Variants in CAMTA1 observed in about 807,000 individuals in gnomAD.
CAMTA1 encodes the protein calmodulin-binding transcription activator 1.
CAMTA1 carries 27 observed loss-of-function variants against 170.9 expected under a neutral mutation model. That is an observed-to-expected ratio of 0.16 (90% CI 0.12 to 0.22). The LOEUF is 0.22. Ranked by LOEUF, CAMTA1 falls within the 10% of genes least tolerant of loss-of-function variation. The probability of loss-of-function intolerance (pLI) is 1.00; values close to 1 mark genes in which losing one functional copy is unlikely to be tolerated. For missense variants in CAMTA1, 1,619 were observed against 2,217.2 expected (o/e 0.73, Z 5.42); for synonymous variants, 833 against 891.5 (o/e 0.93, Z 1.17).
At chr1:7,710,804 G>A (rs952901312) in intron 11 of CAMTA1, among the ~76,000 whole-genome samples, 2 of 151,874 alleles carry the variant, frequency 1.3e-5, no homozygotes, top group African/African-American at 4.8e-5. Context: ...GGCCCACTCT[G>A]AGCTACAGGC....
intron 4 of CAMTA1, among the ~76,000 whole-genome samples, chr1:7,185,609 T>C (rs4908446): frequency 0.24 from 37,079 of 152,100 alleles, 4,604 homozygotes; most frequent in Admixed American, 0.29. Context: ...CAATTTTACA[T>C]TGAAGAAATA....
Position 7,249,754 on chromosome 1 carries a change from G to A in CAMTA1, c.438+128G>A. On this transcript the variant is annotated intron_variant, in intron 5 of 22. Coordinates refer to ENST00000303635, the MANE Select transcript of CAMTA1 (RefSeq NM_015215.4). The surrounding 1 kb of genome is among the most constrained non-coding windows in gnomAD (Gnocchi z 4.4). ...AAGAATTTTTGTTTGCCAAGACCCT[G>A]GTTTTTGCTTTTGTTTCGTTTTTCT... 2.7e-6 allele frequency: 3 copies of A among 1,132,038 alleles called. No homozygotes were observed. The highest frequency in any genetic ancestry group is 3.7e-6 in the Non-Finnish European group (3 of 816,820). The allele number at this position is 1,132,038 out of a possible 1,614,324, so 70.1% of individuals were successfully genotyped here.
At chr1:7,432,123 C>T (rs149089395) in intron 5 of CAMTA1, among the ~76,000 whole-genome samples, 7 of 152,284 alleles carry the variant, frequency 4.6e-5, no homozygotes, top group Admixed American at 2.0e-4. Flanking sequence ...GGCTGACCAG[C>T]GCAGAGCCCA....
intron 5 of CAMTA1, among the ~76,000 whole-genome samples, chr1:7,391,836 A>G (rs1345744701): frequency 1.3e-5 from 2 of 152,190 alleles, no homozygotes; most frequent in Non-Finnish European, 2.9e-5. Context: ...TGCATGTATC[A>G]GTACTTCCTT....
intron 3 of CAMTA1, among the ~76,000 whole-genome samples, chr1:6,983,178 A>G (rs568514022): frequency 2.1e-4 from 32 of 152,346 alleles, no homozygotes; most frequent in African/African-American, 2.9e-4. Flanking sequence ...AATTCCAGAA[A>G]GAATCTAAGA....
chr1:7,326,461 T>G (rs2082683461), intron 5 of CAMTA1, among the ~76,000 whole-genome samples: 2 of 152,164 alleles, frequency 1.3e-5, no homozygotes. Context: ...AAAAATAAGG[T>G]CTTTGTAGAT....
intron 1 of CAMTA1, among the ~76,000 whole-genome samples, chr1:6,796,044 G>C (rs946468850): frequency 2.0e-5 from 3 of 150,802 alleles, no homozygotes; most frequent in African/African-American, 7.3e-5. Context: ...GACTTGAACT[G>C]TGTTGTGAAC....
intron 5 of CAMTA1, among the ~76,000 whole-genome samples, chr1:7,404,419 C>A (rs2090140651): frequency 6.6e-6 from 1 of 152,254 alleles, no homozygotes; most frequent in Non-Finnish European, 1.5e-5. Context: ...GTGTTGGTCA[C>A]CCCCAAGTGT....
At chr1:7,252,998 C>T (rs753584014) in intron 5 of CAMTA1, among the ~76,000 whole-genome samples, 7 of 152,090 alleles carry the variant, frequency 4.6e-5, no homozygotes, top group African/African-American at 7.2e-5. Flanking sequence ...TTGAAGCTGA[C>T]GAGCTGTTAG....
At chr1:7,334,663 A>C (rs1334688935) in intron 5 of CAMTA1, among the ~76,000 whole-genome samples, 1 of 152,198 alleles carries the variant, frequency 6.6e-6, no homozygotes, top group Non-Finnish European at 1.5e-5. Flanking sequence ...TTAAAGCTAC[A>C]GATACGGTTT....
intron 3 of CAMTA1, among the ~76,000 whole-genome samples, chr1:6,916,729 T>G (rs1282981616): frequency 6.6e-6 from 1 of 152,134 alleles, no homozygotes; most frequent in African/African-American, 2.4e-5. Context: ...GTTGGCACTC[T>G]AGGGAGGGAT....
intron 4 of CAMTA1, among the ~76,000 whole-genome samples, chr1:7,122,449 A>G (rs1027998584): frequency 1.3e-5 from 2 of 151,986 alleles, no homozygotes; most frequent in African/African-American, 4.8e-5. Flanking sequence ...ACTTTAGGGG[A>G]TATTTGAATG....
At chr1:7,528,662 A>C (rs1218485669) in intron 6 of CAMTA1, among the ~76,000 whole-genome samples, 1 of 152,042 alleles carries the variant, frequency 6.6e-6, no homozygotes, top group Non-Finnish European at 1.5e-5. Flanking sequence ...CTATTGACAG[A>C]TGGGAATACC....
chr1:6,830,658 A>G (rs1372094510), intron 3 of CAMTA1, among the ~76,000 whole-genome samples: 1 of 151,670 alleles, frequency 6.6e-6, no homozygotes, highest in Non-Finnish European at 1.5e-5. Flanking sequence ...CAATTTATTG[A>G]GGTTTAATTT....
chr1:7,655,791 A>G (rs894803347), intron 7 of CAMTA1, among the ~76,000 whole-genome samples: 1 of 152,196 alleles, frequency 6.6e-6, no homozygotes, highest in African/African-American at 2.4e-5. Flanking sequence ...ACCTGTACAC[A>G]CACACGTGTG....
At chr1:7,004,854 G>T (rs1698746608) in intron 3 of CAMTA1, among the ~76,000 whole-genome samples, 2 of 152,138 alleles carry the variant, frequency 1.3e-5, no homozygotes, top group African/African-American at 4.8e-5. Context: ...TGTAACTTCT[G>T]CCTCCCAGGT....
chr1:6,918,255 G>C lies in CAMTA1; in HGVS notation c.234+93045G>C, dbSNP rs886695191. On this transcript the variant is annotated intron_variant, in intron 3 of 22. Transcript: ENST00000303635. The surrounding 1 kb of genome is among the most constrained non-coding windows in gnomAD (Gnocchi z 4.0). ...CAGCCCTAAACCAGCTGCTTCTGGA[G>C]AGTACTGAAGAAGAATAATATTTTT... 3.3e-5 allele frequency among the ~76,000 whole-genome samples: 5 copies of C among 152,196 alleles called. No individual in the cohort carries two copies. The highest frequency in any genetic ancestry group is 6.5e-5 in the Admixed American group (1 of 15,284).
At chr1:7,613,597 G>A (rs75559599) in intron 6 of CAMTA1, among the ~76,000 whole-genome samples, 58 of 152,260 alleles carry the variant, frequency 3.8e-4, no homozygotes, top group Non-Finnish European at 6.8e-4. Context: ...TTGGGGACAA[G>A]TTAAATAGAA....
At chr1:7,134,995 C>T (rs1160357918) in intron 4 of CAMTA1, among the ~76,000 whole-genome samples, 2 of 152,114 alleles carry the variant, frequency 1.3e-5, no homozygotes, top group East Asian at 3.8e-4. Context: ...GTGGCCAAAA[C>T]ACATGGAAAA....
Sources: allele counts gnomAD v4.1 joint callset (sites outside exome capture counted in the v4.1 genomes callset), GRCh38; gene constraint gnomAD v4.1.1; non-coding constraint Gnocchi (gnomAD v3.1); transcripts MANE v1.5; gene names NCBI Gene and HGNC (gene_info 2026-07-23, HGNC 2026-07-21).